PRCP: variants seen among roughly 807,000 people sequenced by gnomAD.
PRCP encodes the protein lysosomal Pro-X carboxypeptidase.
A neutral mutation model predicts 54.2 loss-of-function variants in PRCP; 46 were observed. The observed-to-expected ratio is 0.85, with a 90% CI of 0.67 to 1.09. PRCP has a LOEUF of 1.09. Among genes scored for constraint, PRCP ranks in the 50% least tolerant of loss-of-function variants. The pLI is 0.00. For synonymous variants in PRCP, 240 were observed against 212.2 expected (o/e 1.13, Z -1.14); for missense variants, 613 against 596.8 (o/e 1.03, Z -0.28).
intron 1 of PRCP, among the ~76,000 whole-genome samples, chr11:82,888,337 C>T (rs148438906): frequency 2.0e-5 from 3 of 152,212 alleles, no homozygotes; most frequent in African/African-American, 4.8e-5. Context: ...GCTGCTGCTT[C>T]TCTCCAGCCG....
chr11:82,866,391 CA>C (rs1859336039), intron 1 of PRCP, among the ~76,000 whole-genome samples: 2 of 152,186 alleles, frequency 1.3e-5, no homozygotes, highest in Non-Finnish European at 2.9e-5. Context: ...AGATATGCTT[CA>C]AAGGCAATCA....
At chr11:82,844,387 C>A (rs544145746) in intron 6 of PRCP, among the ~76,000 whole-genome samples, 3 of 152,100 alleles carry the variant, frequency 2.0e-5, no homozygotes, top group Non-Finnish European at 4.4e-5. Context: ...CATGCCATTG[C>A]ACTCCAGCCT....
Position 82,849,218 on chromosome 11 carries a change from C to T in PRCP, c.752G>A (p.Gly251Asp). Residue 251 changes from glycine to aspartate, a missense_variant and splice_region_variant, in exon 6 of 9, where the codon GGC becomes GAC. Gly to Asp is a moderately conservative substitution (Grantham distance 94). Transcript: ENST00000313010. ...TCCAGTAAGCCACTGCAAACCACTGCCTGGGAATAGAATCACACTGTTGGA... is the reference window on the plus strand; with the variant it reads ...TCCAGTAAGCCACTGCAAACCACTGTCTGGGAATAGAATCACACTGTTGGA... ...WDAINRLSNT[G>D]SGLQWLTGAL... is the part of the protein sequence containing the mutation. 1 of 1,613,800 alleles carries T rather than the reference C, an allele frequency of 6.2e-7. No homozygotes were observed.
Position 82,860,061 on chromosome 11 carries a change from A to C in PRCP, c.225T>G (p.Ala75=), listed in dbSNP as rs1259680504. Residue 75 remains alanine, a synonymous_variant, in exon 2 of 9, where the codon GCT becomes GCG. Transcript: ENST00000313010. The part of the protein sequence containing the change: ...VKTFNQRYLV[A]DKYWKKNGGS... The stretch of plus-strand genomic sequence containing the variant: ...CACCATTTTTCTTCCAGTATTTATC[A>C]GCTACTAGGTACCGCTGATTAAAAG... 1 of 1,588,754 alleles carries C rather than the reference A, an allele frequency of 6.3e-7. No individual in the cohort carries two copies. Among genetic ancestry groups the C allele is most frequent in the African/African-American group, 1.4e-5 (1 of 73,604 alleles).
chr11:82,891,492 G>C (rs141568798), intron 1 of PRCP, among the ~76,000 whole-genome samples: 10 of 152,098 alleles, frequency 6.6e-5, no homozygotes, highest in Non-Finnish European at 1.3e-4. Flanking sequence ...AGCTCCAAAG[G>C]CTTCTCATCT....
chr11:82,855,443 C>A (rs1038075782), intron 2 of PRCP, among the ~76,000 whole-genome samples: 4 of 151,918 alleles, frequency 2.6e-5, no homozygotes, highest in African/African-American at 7.3e-5. Context: ...ACGGTGAAAC[C>A]CCGTCTCTAC....
In PRCP at chr11:82,849,957, GCT is replaced by G; in HGVS notation, c.706_707del (p.Ser236HisfsTer9). 1 of 1,530,944 alleles carries G rather than the reference GCT, an allele frequency of 6.5e-7. No homozygotes were observed. The highest frequency in any genetic ancestry group is 8.8e-7 in the Non-Finnish European group (1 of 1,136,662). The allele number at this position is 1,530,944 out of a possible 1,614,324, so 94.8% of individuals were successfully genotyped here. Reference sequence around the variant, plus strand: ...TAATGGCATCCCAGGACCTGTGGATGCTCTCTGAACAATGTGGACCGCTTTTC... The same window carrying G: ...TAATGGCATCCCAGGACCTGTGGATGCTCTGAACAATGTGGACCGCTTTTC... ...FRKSGPHCSE[S>X]IHRSWDAINR... On this transcript the variant is annotated frameshift_variant, in exon 5 of 9. Coordinates refer to ENST00000313010, the MANE Select transcript of PRCP (RefSeq NM_005040.4). LOFTEE classifies it high-confidence loss of function.
At chr11:82,878,857 T>C (rs1351307762) in intron 1 of PRCP, among the ~76,000 whole-genome samples, 1 of 152,234 alleles carries the variant, frequency 6.6e-6, no homozygotes, top group Non-Finnish European at 1.5e-5. Context: ...TTTAAGAAGG[T>C]TGAGTGTTGG....
chr11:82,859,306 T>C (rs1486419402), intron 2 of PRCP, among the ~76,000 whole-genome samples: 2 of 152,220 alleles, frequency 1.3e-5, no homozygotes, highest in Non-Finnish European at 2.9e-5. Flanking sequence ...AAGAAAATGG[T>C]AGAACAGGAA....
chr11:82,828,382 A>G (rs1400033691), intron 8 of PRCP: 4 of 152,134 alleles, frequency 2.6e-5, no homozygotes, highest in Non-Finnish European at 5.9e-5. Flanking sequence ...TCTGCCTCTC[A>G]TCTACCTAAT....
chr11:82,893,511 G>A (rs945497064), intron 1 of PRCP, among the ~76,000 whole-genome samples: 10 of 152,176 alleles, frequency 6.6e-5, no homozygotes, highest in African/African-American at 1.9e-4. Flanking sequence ...TCTCTTGCTC[G>A]CCGAGTTTGA....
Position 82,824,913 on chromosome 11 carries a change from T to C in PRCP, c.1484A>G (p.Gln495Arg). The C allele has an allele frequency of 2.5e-6, 4 of 1,613,574 alleles. No homozygotes were observed. The highest frequency in any genetic ancestry group is 3.4e-6 in the Non-Finnish European group (4 of 1,179,650). The change falls in exon 9 of 9, where the codon CAG becomes CGG. Residue 495 changes from glutamine to arginine, a missense_variant. By Grantham distance (43) the Gln-to-Arg change is conservative. Coordinates refer to ENST00000313010, the MANE Select transcript of PRCP (RefSeq NM_005040.4). ...IRDFYDSAGK[Q>R]H Reference sequence around the variant, plus strand: ...AAAACAATCAAAAGTTTCTCAGTGCTGCTTTCCCGCACTGTCATAGAAATC... The same window carrying C: ...AAAACAATCAAAAGTTTCTCAGTGCCGCTTTCCCGCACTGTCATAGAAATC...
At chr11:82,851,426 C>T (rs1858951000) in intron 3 of PRCP, among the ~76,000 whole-genome samples, 1 of 150,290 alleles carries the variant, frequency 6.7e-6, no homozygotes, top group African/African-American at 2.4e-5. Flanking sequence ...GTAATGAACT[C>T]AAGTAGACCC....
intron 1 of PRCP, among the ~76,000 whole-genome samples, chr11:82,860,365 A>C (rs976668008): frequency 6.6e-6 from 1 of 152,056 alleles, no homozygotes; most frequent in Non-Finnish European, 1.5e-5. Context: ...GAAAAAATAC[A>C]ATTATAAAAT....
Position 82,849,172 on chromosome 11 carries a change from TG to T in PRCP, c.797del (p.Pro266HisfsTer2). The part of the protein sequence containing the change: ...WLTGALHLCS[P>X]LTSQDIQHLK... ...AATGTTGGATGTCCTGAGAAGTTAA[TG>T]GGCTGCATAAGTGAAGGGCTCCAGT... On this transcript the variant is annotated frameshift_variant, in exon 6 of 9. Transcript: ENST00000313010. LOFTEE classifies it high-confidence loss of function. 1 of 1,614,104 alleles carries T rather than the reference TG, an allele frequency of 6.2e-7. No individual in the cohort carries two copies. Among genetic ancestry groups the T allele is most frequent in the Non-Finnish European group, 8.5e-7 (1 of 1,179,960 alleles).
At chr11:82,839,218 C>G in intron 7 of PRCP, 43 bp downstream of exon 7, 1 of 1,577,808 alleles carries the variant, frequency 6.3e-7, no homozygotes, top group Non-Finnish European at 8.6e-7. Flanking sequence ...ACAACTGTGT[C>G]AGTGAAAAGT....
At chr11:82,900,176 T>C in intron 1 of PRCP, 59 bp downstream of exon 1, 1 of 1,587,120 alleles carries the variant, frequency 6.3e-7, no homozygotes, top group Non-Finnish European at 8.6e-7. Context: ...GCCCGGGCTC[T>C]GAGGGTCAGG....
At chr11:82,884,626 T>A (rs1859824858) in intron 1 of PRCP, among the ~76,000 whole-genome samples, 1 of 152,182 alleles carries the variant, frequency 6.6e-6, no homozygotes, top group Non-Finnish European at 1.5e-5. Context: ...TAAAATTTAA[T>A]CTGTACCAAG....
chr11:82,848,382 T>C (rs1858860703), intron 6 of PRCP, among the ~76,000 whole-genome samples: 1 of 152,230 alleles, frequency 6.6e-6, no homozygotes, highest in South Asian at 2.1e-4. Flanking sequence ...ATCCAACATT[T>C]TATTAGATCC....
Sources: allele counts gnomAD v4.1 joint callset (sites outside exome capture counted in the v4.1 genomes callset), GRCh38; gene constraint gnomAD v4.1.1; transcripts MANE v1.5; gene names NCBI Gene and HGNC (gene_info 2026-07-23, HGNC 2026-07-21).